The following CAMK1D variants were observed in gnomAD, a reference collection of about 807,000 sequenced individuals.
CAMK1D encodes the protein calcium/calmodulin dependent protein kinase ID.
Under a neutral mutation model 47.7 loss-of-function variants are expected in CAMK1D, and 9 were observed. The ratio of observed to expected loss-of-function variants is 0.19; its 90% CI spans 0.11 to 0.33. CAMK1D has a LOEUF of 0.33. Among genes scored for constraint, CAMK1D ranks in the 10% least tolerant of loss-of-function variants. CAMK1D has a pLI of 1.00. For synonymous variants in CAMK1D, 184 were observed against 184.9 expected (o/e 0.99, Z 0.04); for missense variants, 291 against 488.7 (o/e 0.60, Z 3.81).
intron 2 of CAMK1D, among the ~76,000 whole-genome samples, chr10:12,586,502 G>A (rs4364954): frequency 0.28 from 41,658 of 147,050 alleles, 6,764 homozygotes; most frequent in Non-Finnish European, 0.36. Context: ...ATGCATACAC[G>A]AAAAGTTAGC....
rs141110336 is a variant in CAMK1D at position 12,793,015 on chromosome 10, G to A, written c.641+1782G>A. Among the ~76,000 whole-genome samples the A allele has an allele frequency of 6.3e-3, 960 of 151,842 alleles. 26 individuals carry two copies. Among genetic ancestry groups the A allele is most frequent in the Admixed American group, 0.039 (599 of 15,248 alleles). ...ACACAATTTTGCATACCATTTTCTC[G>A]GGGGGTGTGGTCATTGTCCTGGGTA... On this transcript the variant is annotated intron_variant, in intron 6 of 10. Transcript: ENST00000619168.
At chr10:12,739,831 A>G (rs139764181) in intron 3 of CAMK1D, among the ~76,000 whole-genome samples, 1 of 152,270 alleles carries the variant, frequency 6.6e-6, no homozygotes, top group African/African-American at 2.4e-5. Context: ...CTACCGACCC[A>G]TCGAATCATT....
At chr10:12,397,698 A>G (rs1011901147) in intron 1 of CAMK1D, among the ~76,000 whole-genome samples, 1 of 152,214 alleles carries the variant, frequency 6.6e-6, no homozygotes, top group African/African-American at 2.4e-5. Context: ...GTGCACAGAA[A>G]AATTGACTGA....
At chr10:12,406,401 T>C (rs1839425320) in intron 1 of CAMK1D, among the ~76,000 whole-genome samples, 1 of 152,144 alleles carries the variant, frequency 6.6e-6, no homozygotes, top group Non-Finnish European at 1.5e-5. Context: ...AAGCTTTTTA[T>C]TGTTATTGTT....
At chr10:12,450,094 G>A (rs1833040286) in intron 1 of CAMK1D, among the ~76,000 whole-genome samples, 1 of 136,414 alleles carries the variant, frequency 7.3e-6, no homozygotes, top group Non-Finnish European at 1.6e-5. Context: ...CTTCACCCAA[G>A]GAAGGAAAGA....
intron 3 of CAMK1D, among the ~76,000 whole-genome samples, chr10:12,697,639 T>A (rs571117269): frequency 6.6e-6 from 1 of 152,340 alleles, no homozygotes; most frequent in South Asian, 2.1e-4. Context: ...CCTCAGGTGA[T>A]CTGCTCGCCT....
chr10:12,557,228 G>A (rs1008968568), intron 2 of CAMK1D, among the ~76,000 whole-genome samples: 22 of 152,234 alleles, frequency 1.4e-4, no homozygotes, highest in Admixed American at 1.4e-3. Flanking sequence ...CTTGCTGATT[G>A]GTAAAGTTTT....
intron 3 of CAMK1D, among the ~76,000 whole-genome samples, chr10:12,707,170 T>C (rs1029955506): frequency 1.1e-4 from 16 of 152,222 alleles, no homozygotes; most frequent in Admixed American, 1.0e-3. Context: ...GGATGTACTT[T>C]AGCTGTCTCT....
chr10:12,572,749 A>G (rs750799211), intron 2 of CAMK1D, among the ~76,000 whole-genome samples: 2 of 152,164 alleles, frequency 1.3e-5, no homozygotes, highest in Non-Finnish European at 2.9e-5. Context: ...CTCCTGCCTC[A>G]GCCTCTGGAA....
rs900030187 is a variant in CAMK1D at position 12,620,461 on chromosome 10, C to T, written c.225-46275C>T. Among the ~76,000 whole-genome samples the T allele has an allele frequency of 3.3e-5, 5 of 152,232 alleles. No individual in the cohort carries two copies. In the East Asian group the frequency reaches 9.6e-4, roughly 29 times the overall value. ...CCGTCATTTTGTGATTTTAGCTATT[C>T]TCATAGGTGTGTGGTGGTGTCTTAT... is the stretch of plus-strand genomic sequence containing the variant. On this transcript the variant is annotated intron_variant, in intron 2 of 10. Coordinates refer to ENST00000619168, the MANE Select transcript of CAMK1D (RefSeq NM_153498.4).
intron 3 of CAMK1D, among the ~76,000 whole-genome samples, chr10:12,715,028 C>T (rs911870579): frequency 6.6e-6 from 1 of 152,176 alleles, no homozygotes; most frequent in Admixed American, 6.5e-5. Flanking sequence ...TCCCCCTACT[C>T]TGCTATGGAA....
rs189766647 is a variant in CAMK1D, at chr10:12,366,600, A to G, written c.92+16690A>G. Among the ~76,000 whole-genome samples, 364 of 152,176 alleles carry G rather than the reference A, an allele frequency of 2.4e-3. 2 individuals are homozygous for G. The highest frequency in any genetic ancestry group is 4.3e-3 in the Non-Finnish European group (293 of 68,006). On this transcript the variant is annotated intron_variant, in intron 1 of 10. Transcript: ENST00000619168. ...CTTGAACCTAGGAGGTGGGGGTTGC[A>G]GTGAGCTGAGATTGCGTGACTGCAC...
intron 3 of CAMK1D, among the ~76,000 whole-genome samples, chr10:12,706,417 A>G (rs1005583343): frequency 1.3e-5 from 2 of 149,832 alleles, no homozygotes; most frequent in African/African-American, 4.9e-5. Flanking sequence ...AGATGGAGAT[A>G]GAATGTGGAA....
chr10:12,585,732 TC>T (rs200038649), intron 2 of CAMK1D, among the ~76,000 whole-genome samples: 2,163 of 152,202 alleles, frequency 0.014, 62 homozygotes, highest in African/African-American at 0.05. Context: ...TCCCACTGGG[TC>T]CCTCCCACAA....
At chr10:12,550,951 C>T (rs965421159) in intron 1 of CAMK1D, among the ~76,000 whole-genome samples, 2 of 152,320 alleles carry the variant, frequency 1.3e-5, no homozygotes, top group African/African-American at 4.8e-5. Context: ...ATGCATTTAG[C>T]GTCCCTTGGA....
chr10:12,451,362 C>A (rs574225020), intron 1 of CAMK1D, among the ~76,000 whole-genome samples: 2 of 152,308 alleles, frequency 1.3e-5, no homozygotes, highest in Admixed American at 1.3e-4. Flanking sequence ...AGTCTGTTCT[C>A]TTGCCTTGGG....
chr10:12,606,235 T>G (rs1838458284), intron 2 of CAMK1D, among the ~76,000 whole-genome samples: 1 of 152,130 alleles, frequency 6.6e-6, no homozygotes, highest in African/African-American at 2.4e-5. Context: ...GGGCATCACT[T>G]TCTGCTCTGC....
chr10:12,599,356 G>T (rs1004052875), intron 2 of CAMK1D, among the ~76,000 whole-genome samples: 3 of 152,132 alleles, frequency 2.0e-5, no homozygotes, highest in African/African-American at 7.2e-5. Context: ...GTGGAATAAG[G>T]TGTCTCCTGG....
intron 1 of CAMK1D, among the ~76,000 whole-genome samples, chr10:12,527,806 C>T (rs1304550528): frequency 6.6e-6 from 1 of 152,192 alleles, no homozygotes; most frequent in Non-Finnish European, 1.5e-5. Context: ...TGCAGAACCT[C>T]AAATAGTTGG....
Sources: gnomAD v4.1 joint callset for allele counts (sites outside exome capture counted in the v4.1 genomes callset) on GRCh38, gnomAD v4.1.1 for gene constraint, MANE v1.5 for transcripts, NCBI Gene and HGNC (gene_info 2026-07-23, HGNC 2026-07-21) for gene names.